The following GNB1 variants were observed in gnomAD, a reference collection of about 807,000 sequenced individuals.
The protein encoded by GNB1 is G protein subunit beta 1, also known as guanine nucleotide-binding protein G(I)/G(S)/G(T) subunit beta-1.
Under a neutral mutation model 42.9 loss-of-function variants are expected in GNB1, and 2 were observed. That is an observed-to-expected ratio of 0.05 (90% CI 0.02 to 0.15). The LOEUF is 0.15. Among genes scored for constraint, GNB1 ranks in the 10% least tolerant of loss-of-function variants. The pLI, the probability that GNB1 is intolerant of heterozygous loss-of-function variation, is 1.00. For synonymous variants in GNB1, 183 were observed against 174.7 expected (o/e 1.05, Z -0.38); for missense variants, 193 against 462.2 (o/e 0.42, Z 5.34).
At chr1:1,837,545 T>C (rs528231466) in intron 2 of GNB1, among the ~76,000 whole-genome samples, 1 of 149,736 alleles carries the variant, frequency 6.7e-6, no homozygotes, top group East Asian at 2.0e-4. Context: ...TGAGCCACCA[T>C]GCCTGGCCTT....
At chr1:1,824,997 T>C (rs1570674274) in intron 3 of GNB1, 1 of 163,634 alleles carries the variant, frequency 6.1e-6, no homozygotes, top group South Asian at 1.7e-4. Context: ...ATACCTGAAA[T>C]ACTTTTTTTA....
chr1:1,840,027 G>A (rs562866713), intron 1 of GNB1, among the ~76,000 whole-genome samples: 1 of 149,950 alleles, frequency 6.7e-6, no homozygotes, highest in East Asian at 2.0e-4. Flanking sequence ...AACACATTAT[G>A]TTCTTGGCAG....
chr1:1,887,991 T>C (rs1441198609), intron 1 of GNB1, among the ~76,000 whole-genome samples: 2 of 152,200 alleles, frequency 1.3e-5, no homozygotes, highest in African/African-American at 2.4e-5. Context: ...AGATTAAAAT[T>C]AAATCTGAGA....
In GNB1 at chr1:1,785,794, G is replaced by C. The variant is rs941615383; in HGVS notation, c.*1269C>G. The C allele has an allele frequency of 3.5e-6, 1 of 286,388 alleles. No individual in the cohort carries two copies. The highest frequency in any genetic ancestry group is 5.2e-5 in the Admixed American group (1 of 19,122). The allele number at this position is 286,388 out of a possible 1,614,324, so 17.7% of individuals were successfully genotyped here. ...CCTCAGAATCCAACAGCAGTCGTTT[G>C]CAACAGAACTTTTTTTTTTTTAAAG... On this transcript the variant is annotated 3_prime_UTR_variant, in exon 12 of 12. Coordinates refer to ENST00000378609, the MANE Select transcript of GNB1 (RefSeq NM_002074.5).
At chr1:1,837,751 G>C (rs1647172265) in intron 2 of GNB1, among the ~76,000 whole-genome samples, 1 of 151,040 alleles carries the variant, frequency 6.6e-6, no homozygotes, top group Admixed American at 6.6e-5. Flanking sequence ...TTTTCGTAGA[G>C]ACGGGGTTTC....
At chr1:1,803,560 G>T (rs944747962) in intron 7 of GNB1, among the ~76,000 whole-genome samples, 2 of 152,204 alleles carry the variant, frequency 1.3e-5, no homozygotes, top group African/African-American at 4.8e-5. Context: ...GCAGTTACAG[G>T]CATGAGCCAC....
chr1:1,845,844 C>G (rs1042754072), intron 1 of GNB1, among the ~76,000 whole-genome samples: 35 of 82,978 alleles, frequency 4.2e-4, no homozygotes, highest in East Asian at 1.1e-3. Context: ...CACACACACA[C>G]ACACACACAC....
chr1:1,889,148 C>A (rs1471331323), intron 1 of GNB1, among the ~76,000 whole-genome samples: 3 of 152,224 alleles, frequency 2.0e-5, no homozygotes, highest in Non-Finnish European at 2.9e-5. Flanking sequence ...AAAACCTTAT[C>A]AATAACAATG....
intron 5 of GNB1, among the ~76,000 whole-genome samples, chr1:1,814,140 C>T (rs1246997096): frequency 6.6e-6 from 1 of 152,104 alleles, no homozygotes; most frequent in Non-Finnish European, 1.5e-5. Context: ...AACCATCATG[C>T]GAGCTCTCAT....
At chr1:1,822,204 C>T (rs1346392941) in intron 3 of GNB1, among the ~76,000 whole-genome samples, 1 of 152,128 alleles carries the variant, frequency 6.6e-6, no homozygotes, top group East Asian at 1.9e-4. Flanking sequence ...AAAGGCTGGT[C>T]TCAAGCTTTT....
intron 7 of GNB1, among the ~76,000 whole-genome samples, chr1:1,795,791 G>A (rs1392231287): frequency 6.6e-6 from 1 of 151,948 alleles, no homozygotes; most frequent in African/African-American, 2.4e-5. Context: ...TCTCAAAGAT[G>A]ACCTCTCTGT....
intron 8 of GNB1, among the ~76,000 whole-genome samples, chr1:1,791,911 A>G (rs1437473605): frequency 1.3e-5 from 2 of 152,206 alleles, no homozygotes; most frequent in Non-Finnish European, 2.9e-5. Context: ...TATGAAATTT[A>G]TACAACGAGG....
intron 1 of GNB1, among the ~76,000 whole-genome samples, chr1:1,851,407 T>C (rs1647974840): frequency 1.8e-5 from 2 of 112,012 alleles, no homozygotes; most frequent in Admixed American, 1.1e-4. Flanking sequence ...TAAAACTCCA[T>C]CTCAAAGAAA....
chr1:1,789,738 A>C (rs1250732508), intron 9 of GNB1, among the ~76,000 whole-genome samples: 1 of 107,980 alleles, frequency 9.3e-6, no homozygotes, highest in African/African-American at 3.5e-5. Flanking sequence ...GAGGAACTAC[A>C]GGGGACTGGG....
At chr1:1,812,072 A>AAAAC (rs1646787839) in intron 5 of GNB1, among the ~76,000 whole-genome samples, 1 of 152,172 alleles carries the variant, frequency 6.6e-6, no homozygotes, top group African/African-American at 2.4e-5. Context: ...TCTCAAAAAA[A>AAAAC]AAAACCCAAA....
intron 7 of GNB1, among the ~76,000 whole-genome samples, chr1:1,798,582 C>T (rs1385346157): frequency 6.6e-6 from 1 of 152,202 alleles, no homozygotes; most frequent in Non-Finnish European, 1.5e-5. Flanking sequence ...CAAGGGCCGC[C>T]GTGTCTCCAC....
At chr1:1,882,303 CT>C (rs1273962944) in intron 1 of GNB1, among the ~76,000 whole-genome samples, 2 of 151,962 alleles carry the variant, frequency 1.3e-5, no homozygotes, top group Non-Finnish European at 2.9e-5. Context: ...CGGCATGCAC[CT>C]GTAATCCCAA....
chr1:1,804,709 A>G (rs1570641091), intron 6 of GNB1, 128 bp from the exon 7 acceptor site: 2 of 674,772 alleles, frequency 3.0e-6, no homozygotes, highest in Non-Finnish European at 5.0e-6. Context: ...AAAATTATCT[A>G]GAGAGCGATT....
At chr1:1,872,762 G>A (rs952814033) in intron 1 of GNB1, among the ~76,000 whole-genome samples, 41 of 152,030 alleles carry the variant, frequency 2.7e-4, no homozygotes, top group African/African-American at 9.2e-4. Context: ...CCCAAACTTC[G>A]CTTCTTCCAG....
Sources: gnomAD v4.1 joint callset for allele counts (sites outside exome capture counted in the v4.1 genomes callset) on GRCh38, gnomAD v4.1.1 for gene constraint, MANE v1.5 for transcripts, NCBI Gene and HGNC (gene_info 2026-07-23, HGNC 2026-07-21) for gene names.